The following OSBPL10 variants were observed in gnomAD, a reference collection of about 807,000 sequenced individuals.
OSBPL10 encodes oxysterol-binding protein-related protein 10.
A neutral mutation model predicts 81.7 loss-of-function variants in OSBPL10; 49 were observed. The ratio of observed to expected loss-of-function variants is 0.60; its 90% CI spans 0.48 to 0.76. The LOEUF (loss-of-function observed/expected upper bound fraction) is 0.76. Among genes scored for constraint, OSBPL10 ranks in the 30% least tolerant of loss-of-function variants. The probability of loss-of-function intolerance (pLI) is 0.00; values close to 1 mark genes in which losing one functional copy is unlikely to be tolerated. For missense variants in OSBPL10, 923 were observed against 987.8 expected, an observed-to-expected ratio of 0.93 and a Z score of 0.88; for synonymous variants, 419 against 383.6, an observed-to-expected ratio of 1.09 and a Z score of -1.08.
intron 1 of OSBPL10, among the ~76,000 whole-genome samples, chr3:31,947,038 G>A (rs1251365868): frequency 1.3e-5 from 2 of 152,086 alleles, no homozygotes; most frequent in Non-Finnish European, 2.9e-5. Flanking sequence ...AAAGGCAGGA[G>A]GGAGCAGACC....
Position 31,834,959 on chromosome 3 carries a change from AATG to A in OSBPL10, c.538-4731_538-4729del, listed in dbSNP as rs1409105241. ...TACCTACTTCATTGGGTTGTTGGAG[AATG>A]ATATGAGAAAAGACACATAAAGCAT... is the stretch of plus-strand genomic sequence containing the variant. On this transcript the variant is annotated intron_variant, in intron 3 of 11. Transcript: ENST00000396556. Among the ~76,000 whole-genome samples the A allele has an allele frequency of 4.6e-5, 7 of 152,276 alleles. No homozygotes were observed. In the Middle Eastern group the frequency reaches 0.01, roughly 222 times the overall value.
At chr3:31,928,848 C>A (rs1697157315) in intron 1 of OSBPL10, among the ~76,000 whole-genome samples, 1 of 151,174 alleles carries the variant, frequency 6.6e-6, no homozygotes, top group Admixed American at 6.6e-5. Context: ...CTTGAAGCTA[C>A]CAAAAGGTGT....
chr3:31,749,315 C>T (rs768780961), intron 4 of OSBPL10, among the ~76,000 whole-genome samples: 3 of 152,174 alleles, frequency 2.0e-5, no homozygotes, highest in Non-Finnish European at 4.4e-5. Flanking sequence ...TACTTCAAAA[C>T]GATGTTTTTA....
chr3:31,896,076 C>T (rs753701904), intron 1 of OSBPL10, among the ~76,000 whole-genome samples: 2 of 152,128 alleles, frequency 1.3e-5, no homozygotes, highest in Non-Finnish European at 2.9e-5. Flanking sequence ...AAAACAATGC[C>T]ACATTAATTC....
At position 31,776,985 on chromosome 3, in the gene OSBPL10, G is replaced by GA. The variant is rs200994645; in HGVS notation, c.730-28866dup. Among the ~76,000 whole-genome samples the GA allele has an allele frequency of 5.7e-3, 864 of 151,136 alleles. 11 individuals carry two copies. Among genetic ancestry groups the GA allele is most frequent in the African/African-American group, 0.02 (806 of 41,292 alleles). ...AATTTTTAAAAAATGTTTACAAAGA[G>GA]AAAAAAAAATCAAGAAATTCTTTAC... On this transcript the variant is annotated intron_variant, in intron 4 of 11. Coordinates refer to ENST00000396556, the MANE Select transcript of OSBPL10 (RefSeq NM_017784.5).
intron 1 of OSBPL10, among the ~76,000 whole-genome samples, chr3:31,966,568 G>A (rs183269432): frequency 3.3e-5 from 5 of 151,780 alleles, no homozygotes; most frequent in African/African-American, 9.7e-5. Context: ...AAAGAAACAC[G>A]AACAAGTTAC....
At chr3:31,810,520 CAAAT>C (rs1688704639) in intron 4 of OSBPL10, among the ~76,000 whole-genome samples, 1 of 151,780 alleles carries the variant, frequency 6.6e-6, no homozygotes, top group African/African-American at 2.4e-5. Flanking sequence ...AAAAACATCC[CAAAT>C]AAATCAAAAA....
chr3:32,017,381 A>T (rs1360204217), intron 2 of OSBPL10, among the ~76,000 whole-genome samples: 2 of 152,154 alleles, frequency 1.3e-5, no homozygotes, highest in Admixed American at 6.6e-5. Flanking sequence ...TTTTTACTCT[A>T]CCAAGTAGTT....
intron 4 of OSBPL10, among the ~76,000 whole-genome samples, chr3:31,802,624 G>A (rs1413823006): frequency 1.3e-5 from 2 of 151,278 alleles, no homozygotes; most frequent in African/African-American, 2.4e-5. Flanking sequence ...CTCTCTCCTG[G>A]TATTAATTCC....
At chr3:31,934,382 A>C (rs1258479444) in intron 1 of OSBPL10, among the ~76,000 whole-genome samples, 1 of 151,682 alleles carries the variant, frequency 6.6e-6, no homozygotes, top group Non-Finnish European at 1.5e-5. Context: ...CCCAAATTTC[A>C]TAGTCAAAGA....
At chr3:31,875,845 T>C (rs1040387398) in intron 3 of OSBPL10, among the ~76,000 whole-genome samples, 4 of 152,184 alleles carry the variant, frequency 2.6e-5, no homozygotes. Context: ...ATAAATGCAT[T>C]TTGAAATTGT....
At chr3:31,862,726 G>A (rs1176113147) in intron 3 of OSBPL10, among the ~76,000 whole-genome samples, 3 of 152,134 alleles carry the variant, frequency 2.0e-5, no homozygotes, top group African/African-American at 7.2e-5. Flanking sequence ...AAAATTACAA[G>A]GAGGTATCAC....
At chr3:31,822,596 A>T (rs901000573) in intron 4 of OSBPL10, among the ~76,000 whole-genome samples, 15 of 152,068 alleles carry the variant, frequency 9.9e-5, no homozygotes, top group African/African-American at 3.6e-4. Flanking sequence ...CGCGTTAAAA[A>T]CTATTGTAAT....
At chr3:31,684,217 C>G (rs1700734320) in intron 7 of OSBPL10, 103 bp from the exon 8 acceptor site, 47 of 1,455,732 alleles carry the variant, frequency 3.2e-5, no homozygotes, top group Non-Finnish European at 4.2e-5. Context: ...TTCATAACAT[C>G]TCCAGCCAGG....
chr3:31,768,964 C>G (rs1355196709), intron 4 of OSBPL10, among the ~76,000 whole-genome samples: 1 of 152,060 alleles, frequency 6.6e-6, no homozygotes, highest in Non-Finnish European at 1.5e-5. Flanking sequence ...CCCCTGCTGA[C>G]AAAAGAATGG....
At chr3:32,037,646 A>T (rs1341754764) in intron 2 of OSBPL10, 2 of 183,074 alleles carry the variant, frequency 1.1e-5, no homozygotes, top group African/African-American at 4.8e-5. Flanking sequence ...TCTTGAGGAG[A>T]TATAAGAAAA....
chr3:31,888,679 G>A (rs755251330), intron 1 of OSBPL10, among the ~76,000 whole-genome samples: 2 of 152,174 alleles, frequency 1.3e-5, no homozygotes, highest in Non-Finnish European at 2.9e-5. Context: ...CCAGCACTTT[G>A]GGAGGCTGAG....
rs545541561 is a variant in OSBPL10, at chr3:31,826,871, G to A, written c.729+3169C>T. Among the ~76,000 whole-genome samples, 249 of 152,278 alleles carry A rather than the reference G, an allele frequency of 1.6e-3. 1 individual carries two copies. The highest frequency in any genetic ancestry group is 5.8e-3 in the African/African-American group (242 of 41,554). Reference sequence around the variant, plus strand: ...AGGAGTGAAGGTGGACATGGTGTCTGAAGACTGAAACTTTAAACTCTTCCT... The same window carrying A: ...AGGAGTGAAGGTGGACATGGTGTCTAAAGACTGAAACTTTAAACTCTTCCT... On this transcript the variant is annotated intron_variant, in intron 4 of 11. Transcript: ENST00000396556.
intron 3 of OSBPL10, among the ~76,000 whole-genome samples, chr3:31,874,162 C>A (rs1701396487): frequency 6.6e-6 from 1 of 151,142 alleles, no homozygotes; most frequent in African/African-American, 2.4e-5. Flanking sequence ...TTCTTCTCTA[C>A]AATGATTCAT....
Sources: allele counts gnomAD v4.1 joint callset (sites outside exome capture counted in the v4.1 genomes callset), GRCh38; gene constraint gnomAD v4.1.1; transcripts MANE v1.5; gene names NCBI Gene and HGNC (gene_info 2026-07-23, HGNC 2026-07-21).